CSMD3: variants seen among roughly 807,000 people sequenced by gnomAD.
The protein encoded by CSMD3 is CUB and Sushi multiple domains 3.
CSMD3 carries 177 observed loss-of-function variants against 435.2 expected under a neutral mutation model. The ratio of observed to expected loss-of-function variants is 0.41; its 90% confidence interval spans 0.36 to 0.46. The LOEUF is 0.46. Ranked by LOEUF, CSMD3 falls within the 20% of genes least tolerant of loss-of-function variation. CSMD3 has a pLI of 0.34. For missense variants in CSMD3, 4,265 were observed against 4,504.6 expected, an observed-to-expected ratio of 0.95 and a Z score of 1.52; for synonymous variants, 1,656 against 1,520.5, an observed-to-expected ratio of 1.09 and a Z score of -2.07.
rs75311876 is a variant in CSMD3 at position 112,849,324 on chromosome 8, A to G, written c.1755+9821T>C. The stretch of plus-strand genomic sequence containing the variant: ...AATAACTCAATATTGATAAAAGTAT[A>G]TTACATTTAAAGAGAGCAGGGGGTG... On this transcript the variant is annotated intron_variant, in intron 11 of 70. Transcript: ENST00000297405. Among the ~76,000 whole-genome samples the G allele has an allele frequency of 1.1e-3, 174 of 152,198 alleles. 2 individuals carry two copies. In the East Asian group the frequency reaches 0.025, roughly 22 times the overall value.
chr8:113,211,934 G>T (rs952597590), intron 3 of CSMD3, among the ~76,000 whole-genome samples: 19 of 152,064 alleles, frequency 1.2e-4, no homozygotes, highest in African/African-American at 4.6e-4. Flanking sequence ...GAAAAAAGAA[G>T]ATTTAAATGT....
intron 6 of CSMD3, among the ~76,000 whole-genome samples, chr8:113,003,167 C>A (rs1398501895): frequency 1.3e-5 from 2 of 152,036 alleles, no homozygotes; most frequent in Admixed American, 1.3e-4. Flanking sequence ...ATCACTTGAA[C>A]CCAGGCAGCG....
intron 27 of CSMD3, among the ~76,000 whole-genome samples, chr8:112,543,395 A>G (rs1826861824): frequency 6.6e-6 from 1 of 152,176 alleles, no homozygotes; most frequent in South Asian, 2.1e-4. Flanking sequence ...ACACCTCAAT[A>G]GCAAATGACT....
chr8:112,228,879 G>A lies in CSMD3; in HGVS notation c.10841C>T (p.Ser3614Leu). ...FGLQRLGLNM[S>L]EGSNSSNQPH... Reference sequence around the variant, plus strand: ...TTGATTTGAAGAATTTGAACCTTCTGACATATTCAGTCCTACAAAATAAAA... The same window carrying A: ...TTGATTTGAAGAATTTGAACCTTCTAACATATTCAGTCCTACAAAATAAAA... Residue 3614 changes from serine to leucine, a missense_variant, in exon 70 of 71, where the codon TCA becomes TTA. Ser to Leu is a moderately radical substitution (Grantham distance 145). Around this residue, in one of 3 missense-constraint regions of CSMD3, gnomAD observed 3,255 missense variants for 3,380.2 expected, o/e 0.96. Transcript: ENST00000297405. 1 of 1,517,526 alleles carries A rather than the reference G, an allele frequency of 6.6e-7. No individual in the cohort carries two copies. Among genetic ancestry groups the A allele is most frequent in the South Asian group, 1.1e-5 (1 of 88,714 alleles). The allele number at this position is 1,517,526 out of a possible 1,614,324, so 94.0% of individuals were successfully genotyped here. A position where few individuals can be genotyped will look rare whatever the true frequency, so the allele number is the denominator to read the frequency against.
chr8:112,920,994 C>T (rs1000330373), intron 10 of CSMD3, among the ~76,000 whole-genome samples: 19 of 119,080 alleles, frequency 1.6e-4, no homozygotes, highest in East Asian at 4.4e-4. Context: ...CATACGCGCG[C>T]GCGCACACAC....
At chr8:112,486,098 T>C (rs1036982013) in intron 31 of CSMD3, among the ~76,000 whole-genome samples, 1 of 148,270 alleles carries the variant, frequency 6.7e-6, no homozygotes, top group Non-Finnish European at 1.5e-5. Context: ...GCATTTAAGA[T>C]GAAAAATTCT....
intron 6 of CSMD3, among the ~76,000 whole-genome samples, chr8:112,982,436 C>T (rs1184785411): frequency 6.6e-6 from 1 of 151,800 alleles, no homozygotes; most frequent in Admixed American, 6.6e-5. Flanking sequence ...AATCCTGAAT[C>T]TTTAGATCTT....
chr8:112,411,196 C>T (rs922000428), intron 32 of CSMD3, among the ~76,000 whole-genome samples: 3 of 150,090 alleles, frequency 2.0e-5, no homozygotes, highest in Admixed American at 2.0e-4. Flanking sequence ...TTTTGCATTA[C>T]CTCTAAACTG....
In CSMD3 at chr8:112,304,660, T is replaced by C. The variant is rs996400131; in HGVS notation, c.8266+61A>G. The stretch of plus-strand genomic sequence containing the variant: ...CTAATGTGTTTATGAAAGGAACTGA[T>C]TCAAACAATTCGATAACCAAACATA... On this transcript the variant is annotated intron_variant, in intron 52 of 70. Coordinates refer to ENST00000297405, the MANE Select transcript of CSMD3 (RefSeq NM_198123.2). The C allele has an allele frequency of 3.2e-6, 4 of 1,267,116 alleles. No individual in the cohort carries two copies. In the African/African-American group the frequency reaches 5.9e-5, roughly 19 times the overall value. The allele number at this position is 1,267,116 out of a possible 1,614,324, so 78.5% of individuals were successfully genotyped here.
intron 53 of CSMD3, among the ~76,000 whole-genome samples, chr8:112,299,327 T>C (rs1039840420): frequency 6.6e-6 from 1 of 152,124 alleles, no homozygotes; most frequent in South Asian, 2.1e-4. Context: ...ACTGAACTTA[T>C]GATCTATGTA....
rs1206379672 is a variant in CSMD3, at chr8:112,691,782, G to GT, written c.1973-1733dup. ...AACCAGTGTTTGCTGTTGATAAATT[G>GT]TTTTTTTGTTTGTTTGTTTTTTTGT... On this transcript the variant is annotated intron_variant, in intron 13 of 70. Transcript: ENST00000297405. Among the ~76,000 whole-genome samples, 11 of 151,810 alleles carry GT rather than the reference G, an allele frequency of 7.2e-5. 1 individual carries two copies. In the South Asian group the frequency reaches 2.1e-3, roughly 29 times the overall value.
At chr8:112,507,467 T>C (rs1328470212) in intron 28 of CSMD3, among the ~76,000 whole-genome samples, 1 of 152,062 alleles carries the variant, frequency 6.6e-6, no homozygotes, top group Non-Finnish European at 1.5e-5. Context: ...TGAAGAAAGA[T>C]ATGGAGGTCT....
chr8:113,382,082 A>G (rs368515260), intron 1 of CSMD3, among the ~76,000 whole-genome samples: 1 of 152,144 alleles, frequency 6.6e-6, no homozygotes, highest in East Asian at 1.9e-4. Context: ...ACCATAAAAA[A>G]CATTTTGGGC....
intron 3 of CSMD3, among the ~76,000 whole-genome samples, chr8:113,258,849 A>G (rs1435665234): frequency 1.3e-5 from 2 of 152,164 alleles, no homozygotes; most frequent in African/African-American, 2.4e-5. Flanking sequence ...ATGAGACGAT[A>G]GTAGCTAGGA....
intron 5 of CSMD3, among the ~76,000 whole-genome samples, chr8:113,060,323 CTCA>C (rs2088558041): frequency 6.7e-6 from 1 of 148,512 alleles, no homozygotes; most frequent in Non-Finnish European, 1.5e-5. Context: ...AGGATATGAA[CTCA>C]TCATTTTTTA....
At chr8:112,634,908 A>G (rs771244800) in intron 22 of CSMD3, among the ~76,000 whole-genome samples, 23 of 151,996 alleles carry the variant, frequency 1.5e-4, no homozygotes, top group Non-Finnish European at 3.1e-4. Flanking sequence ...CAAAAAAATC[A>G]TAGTGCTACC....
At chr8:112,324,920 T>A (rs1173090089) in intron 45 of CSMD3, among the ~76,000 whole-genome samples, 1 of 152,130 alleles carries the variant, frequency 6.6e-6, no homozygotes, top group African/African-American at 2.4e-5. Flanking sequence ...TGATAGAGTC[T>A]ACATAACTTC....
At position 113,314,674 on chromosome 8, in the gene CSMD3, G is replaced by A. The variant is rs2093895909; in HGVS notation, c.298C>T (p.Arg100Ter). The A allele has an allele frequency of 1.2e-6, 2 of 1,610,322 alleles. No individual in the cohort carries two copies. Among genetic ancestry groups the A allele is most frequent in the Non-Finnish European group, 1.7e-6 (2 of 1,176,942 alleles). Residue 100 changes from arginine (R) to a stop codon, truncating the protein, a stop_gained, in exon 2 of 71, where the codon CGA becomes TGA. Coordinates refer to ENST00000297405, the MANE Select transcript of CSMD3 (RefSeq NM_198123.2). LOFTEE classifies it high-confidence loss of function. ...TGAAAAACAATTTGTATTCTATTTC[G>A]TTCTTCTGCTATTATTACCCATGTG... ...NCTWVIIAEERNRIQIVFQSF... is the reference protein window; with the variant it reads ...NCTWVIIAEE
chr8:112,878,701 T>C (rs1207773446), intron 10 of CSMD3, among the ~76,000 whole-genome samples: 2 of 151,944 alleles, frequency 1.3e-5, no homozygotes, highest in East Asian at 1.9e-4. Context: ...ATAAAGAAAA[T>C]GTGGCACATA....
Sources: gnomAD v4.1 joint callset for allele counts (sites outside exome capture counted in the v4.1 genomes callset) on GRCh38, gnomAD v4.1.1 for gene constraint, gnomAD v4.1.1 regional missense constraint, MANE v1.5 for transcripts, NCBI Gene and HGNC (gene_info 2026-07-23, HGNC 2026-07-21) for gene names.